Variants in ELMO1 observed in about 807,000 individuals in gnomAD.
ELMO1 encodes the protein engulfment and cell motility protein 1.
A neutral mutation model predicts 98.9 loss-of-function variants in ELMO1; 26 were observed. The ratio of observed to expected loss-of-function variants is 0.26; its 90% CI spans 0.19 to 0.36. The LOEUF is 0.36. ELMO1 is among the 10% of genes least tolerant of loss of function. ELMO1 has a pLI of 1.00. For missense variants in ELMO1, 627 were observed against 935.2 expected, an observed-to-expected ratio of 0.67 and a Z score of 4.30; for synonymous variants, 346 against 346.0, an observed-to-expected ratio of 1.00 and a Z score of 0.00.
chr7:37,369,885 T>A lies in ELMO1; in HGVS notation c.-73-27122A>T, dbSNP rs142290787. On this transcript the variant is annotated intron_variant, in intron 1 of 21. Transcript: ENST00000310758. ...CTGAACTAATGAAGCAGCCTCAAGG[T>A]CTCCCTCTGACGTCTCCCTACTCCT... 9.1e-4 allele frequency among the ~76,000 whole-genome samples: 138 copies of A among 152,184 alleles called. 1 individual carries two copies. Among genetic ancestry groups the A allele is most frequent in the African/African-American group, 3.1e-3 (130 of 41,536 alleles).
At chr7:37,094,220 A>G (rs1338974239) in intron 15 of ELMO1, among the ~76,000 whole-genome samples, 6 of 152,234 alleles carry the variant, frequency 3.9e-5, no homozygotes, top group Non-Finnish European at 8.8e-5. Flanking sequence ...GTCTCAATGC[A>G]GAAACCAGGC....
chr7:37,032,126 T>C (rs576521503), intron 15 of ELMO1, among the ~76,000 whole-genome samples: 3 of 152,168 alleles, frequency 2.0e-5, no homozygotes, highest in Non-Finnish European at 4.4e-5. Context: ...CCCCTACTGA[T>C]TGGCTTCCTT....
intron 14 of ELMO1, 35 bp from the exon 15 acceptor site, chr7:37,096,762 T>A (rs1428620449): frequency 1.3e-6 from 2 of 1,572,118 alleles, no homozygotes; most frequent in Non-Finnish European, 1.8e-6. Flanking sequence ...AGAAAGGAAA[T>A]TCAATTGTGG....
chr7:37,431,854 G>T (rs1804943695), intron 1 of ELMO1, among the ~76,000 whole-genome samples: 1 of 151,832 alleles, frequency 6.6e-6, no homozygotes, highest in Non-Finnish European at 1.5e-5. Context: ...GGTGATCTAT[G>T]AAGTTTGTTT....
intron 18 of ELMO1, among the ~76,000 whole-genome samples, chr7:36,880,406 C>T (rs1804353375): frequency 6.6e-6 from 1 of 152,124 alleles, no homozygotes; most frequent in Non-Finnish European, 1.5e-5. Context: ...AACTGGTGCA[C>T]AGTATAATAC....
chr7:37,014,517 T>C (rs1793785120), intron 15 of ELMO1, among the ~76,000 whole-genome samples: 2 of 152,134 alleles, frequency 1.3e-5, no homozygotes, highest in Admixed American at 6.5e-5. Context: ...GTGGTTTGCA[T>C]GAGAGCTGGA....
At chr7:37,367,252 C>T (rs79623126) in intron 1 of ELMO1, among the ~76,000 whole-genome samples, 12,272 of 152,246 alleles carry the variant, frequency 0.081, 621 homozygotes, top group Middle Eastern at 0.12. Flanking sequence ...AAAATTGGCA[C>T]ACACACATTC....
chr7:37,414,970 A>C (rs1184224541), intron 1 of ELMO1, among the ~76,000 whole-genome samples: 2 of 152,224 alleles, frequency 1.3e-5, no homozygotes, highest in Non-Finnish European at 2.9e-5. Context: ...CTAAAGCCAA[A>C]AAAGCTATTT....
chr7:36,923,983 T>C (rs1458240844), intron 16 of ELMO1, among the ~76,000 whole-genome samples: 1 of 152,028 alleles, frequency 6.6e-6, no homozygotes, highest in Non-Finnish European at 1.5e-5. Context: ...ATGAGGCAAT[T>C]ATGGGCAATT....
chr7:37,013,819 CTCTT>C (rs1793732412), intron 15 of ELMO1, among the ~76,000 whole-genome samples: 1 of 152,186 alleles, frequency 6.6e-6, no homozygotes, highest in African/African-American at 2.4e-5. Flanking sequence ...CCTCAATTTC[CTCTT>C]TCTTATCAGA....
chr7:37,424,660 C>T (rs1485414622), intron 1 of ELMO1, among the ~76,000 whole-genome samples: 4 of 152,006 alleles, frequency 2.6e-5, no homozygotes, highest in South Asian at 2.1e-4. Flanking sequence ...TTAGCAATGC[C>T]GAAAAACCTA....
At chr7:37,432,821 C>T (rs1804986165) in intron 1 of ELMO1, among the ~76,000 whole-genome samples, 1 of 152,212 alleles carries the variant, frequency 6.6e-6, no homozygotes, top group Admixed American at 6.5e-5. Context: ...AGCCAAGAAA[C>T]GTTTTCTATG....
rs964878314 is a variant in ELMO1 at position 36,973,778 on chromosome 7, G to C, written c.1437+39521C>G. ...GCGAGCGGGAACCGGGGCTGCGCGCGGCGCTTGCGAGCCAGCTGGAGTTCC... is the reference window on the plus strand; with the variant it reads ...GCGAGCGGGAACCGGGGCTGCGCGCCGCGCTTGCGAGCCAGCTGGAGTTCC... On this transcript the variant is annotated intron_variant, in intron 16 of 21. Transcript: ENST00000310758. Among the ~76,000 whole-genome samples the C allele has an allele frequency of 1.5e-4, 23 of 152,324 alleles. No individual in the cohort carries two copies. In the East Asian group the frequency reaches 3.5e-3, roughly 23 times the overall value.
At chr7:37,385,743 C>T (rs1420705942) in intron 1 of ELMO1, among the ~76,000 whole-genome samples, 3 of 152,206 alleles carry the variant, frequency 2.0e-5, no homozygotes, top group South Asian at 2.1e-4. Context: ...AACAGCTGAG[C>T]GAGCGCTAGC....
At chr7:37,050,392 G>A (rs989447184) in intron 15 of ELMO1, among the ~76,000 whole-genome samples, 1 of 152,102 alleles carries the variant, frequency 6.6e-6, no homozygotes, top group African/African-American at 2.4e-5. Context: ...GAGCCACCAT[G>A]CCTGGCCCCC....
chr7:37,321,837 A>G (rs1020575164), intron 2 of ELMO1, among the ~76,000 whole-genome samples: 10 of 149,394 alleles, frequency 6.7e-5, no homozygotes, highest in Non-Finnish European at 1.2e-4. Flanking sequence ...TAAACCCAAA[A>G]GGAACTAAAA....
At chr7:37,413,213 C>G (rs1243094564) in intron 1 of ELMO1, among the ~76,000 whole-genome samples, 1 of 152,020 alleles carries the variant, frequency 6.6e-6, no homozygotes, top group Admixed American at 6.6e-5. Flanking sequence ...GAAATCCTCC[C>G]TCTTCTCCCT....
At chr7:37,315,582 T>C (rs1316743796) in intron 3 of ELMO1, among the ~76,000 whole-genome samples, 2 of 152,186 alleles carry the variant, frequency 1.3e-5, no homozygotes, top group African/African-American at 4.8e-5. Context: ...GGGACCTGAG[T>C]GGTCCTCTCA....
intron 13 of ELMO1, among the ~76,000 whole-genome samples, chr7:37,210,513 A>T (rs996164372): frequency 2.6e-5 from 4 of 151,230 alleles, no homozygotes; most frequent in African/African-American, 4.8e-5. Flanking sequence ...GTGTATATAT[A>T]TATATTTGGG....
Sources: allele counts gnomAD v4.1 joint callset (sites outside exome capture counted in the v4.1 genomes callset), GRCh38; gene constraint gnomAD v4.1.1; transcripts MANE v1.5; gene names NCBI Gene and HGNC (gene_info 2026-07-23, HGNC 2026-07-21).